VMP1: variants seen among roughly 807,000 people sequenced by gnomAD.
The protein encoded by VMP1 is ectopic P-granules autophagy protein 3 homolog.
Under a neutral mutation model 56.0 loss-of-function variants are expected in VMP1, and 11 were observed. The ratio of observed to expected loss-of-function variants is 0.20; its 90% CI spans 0.12 to 0.32. VMP1 has a LOEUF of 0.32. Ranked by LOEUF, VMP1 falls within the 10% of genes least tolerant of loss-of-function variation. The pLI is 1.00. For synonymous variants in VMP1, 149 were observed against 165.0 expected, an observed-to-expected ratio of 0.90 and a Z score of 0.74; for missense variants, 296 against 490.3, an observed-to-expected ratio of 0.60 and a Z score of 3.74.
chr17:59,719,513 C>T (rs1351396584), intron 1 of VMP1, among the ~76,000 whole-genome samples: 1 of 150,794 alleles, frequency 6.6e-6, no homozygotes, highest in Non-Finnish European at 1.5e-5. Context: ...AAAGTATGTT[C>T]GTTTTATTTT....
chr17:59,806,052 T>A (rs551517124), intron 7 of VMP1, among the ~76,000 whole-genome samples: 1 of 152,310 alleles, frequency 6.6e-6, no homozygotes, highest in South Asian at 2.1e-4. Context: ...AGTTTTTAAT[T>A]TAATAGTATC....
intron 7 of VMP1, among the ~76,000 whole-genome samples, chr17:59,783,634 A>G (rs1175997169): frequency 2.0e-5 from 3 of 152,158 alleles, no homozygotes; most frequent in Non-Finnish European, 4.4e-5. Context: ...TCACCATCCT[A>G]ACAATCGCTT....
intron 7 of VMP1, among the ~76,000 whole-genome samples, chr17:59,785,567 G>A (rs1373013866): frequency 6.6e-6 from 1 of 151,826 alleles, no homozygotes; most frequent in Non-Finnish European, 1.5e-5. Context: ...GCAGGCATGT[G>A]TAATCCCAGC....
chr17:59,773,450 G>A (rs1308988797), intron 6 of VMP1, among the ~76,000 whole-genome samples: 3 of 151,662 alleles, frequency 2.0e-5, no homozygotes, highest in Non-Finnish European at 2.9e-5. Context: ...GCCCAGGCTG[G>A]CCTCAAACTC....
At chr17:59,816,063 C>T (rs2038221244) in intron 9 of VMP1, among the ~76,000 whole-genome samples, 1 of 152,152 alleles carries the variant, frequency 6.6e-6, no homozygotes, top group Admixed American at 6.6e-5. Flanking sequence ...AGAATTCCCA[C>T]TCAGACCTCC....
At chr17:59,734,169 T>C (rs2034933849) in intron 2 of VMP1, among the ~76,000 whole-genome samples, 1 of 152,188 alleles carries the variant, frequency 6.6e-6, no homozygotes, top group Non-Finnish European at 1.5e-5. Flanking sequence ...TTCTGATGTT[T>C]ATCAAGGCAG....
chr17:59,721,172 C>T (rs1186698239), intron 1 of VMP1, among the ~76,000 whole-genome samples: 1 of 151,876 alleles, frequency 6.6e-6, no homozygotes, highest in Non-Finnish European at 1.5e-5. Context: ...ATGGTGAAAC[C>T]CTGTCTCTAC....
At position 59,801,079 on chromosome 17, in the gene VMP1, C is replaced by CG. The variant is rs1391699767; in HGVS notation, c.715-7716dup. Reference sequence around the variant, plus strand: ...TGGGCGACAGAGCAAGACTCCATCTCGAAAAAAAAAAAATATATATATATA... The same window carrying CG: ...TGGGCGACAGAGCAAGACTCCATCTCGGAAAAAAAAAAAATATATATATATA... On this transcript the variant is annotated intron_variant, in intron 7 of 11. Coordinates refer to ENST00000262291, the MANE Select transcript of VMP1 (RefSeq NM_030938.5). Among the ~76,000 whole-genome samples, 63 of 27,352 alleles carry CG rather than the reference C, an allele frequency of 2.3e-3. 2 individuals are homozygous for CG. In the East Asian group the frequency reaches 0.09, roughly 39 times the overall value. 17.9% of individuals were successfully genotyped at this position (27,352 alleles called of 152,430 possible).
intron 7 of VMP1, among the ~76,000 whole-genome samples, chr17:59,777,812 TCAAAACAAAA>T (rs199590116): frequency 0.022 from 3,262 of 148,522 alleles, 82 homozygotes; most frequent in African/African-American, 0.056. Context: ...AGACTCCGTC[TCAAAACAAAA>T]CAAAACAAAA....
chr17:59,834,315 T>G (rs1896923598), intron 10 of VMP1, among the ~76,000 whole-genome samples: 1 of 147,544 alleles, frequency 6.8e-6, no homozygotes, highest in Non-Finnish European at 1.5e-5. Flanking sequence ...CAGGGTAGAG[T>G]GCAATGGCAT....
At chr17:59,789,824 T>C (rs1480980817) in intron 7 of VMP1, among the ~76,000 whole-genome samples, 1 of 144,538 alleles carries the variant, frequency 6.9e-6, no homozygotes, top group South Asian at 2.2e-4. Flanking sequence ...TTCCTTCCTT[T>C]CTTTCTTTCC....
intron 6 of VMP1, among the ~76,000 whole-genome samples, chr17:59,767,263 C>CA (rs1321564759): frequency 6.6e-6 from 1 of 152,002 alleles, no homozygotes; most frequent in Non-Finnish European, 1.5e-5. Flanking sequence ...ACCATACCCT[C>CA]AGGAGAAGCA....
intron 5 of VMP1, among the ~76,000 whole-genome samples, chr17:59,746,941 G>A (rs2035443676): frequency 6.6e-6 from 1 of 152,118 alleles, no homozygotes; most frequent in Non-Finnish European, 1.5e-5. Context: ...AGAACCTGTA[G>A]TATTCATCAG....
At chr17:59,828,309 C>T (rs1176950244) in intron 10 of VMP1, among the ~76,000 whole-genome samples, 2 of 152,150 alleles carry the variant, frequency 1.3e-5, no homozygotes, top group Non-Finnish European at 2.9e-5. Flanking sequence ...CTGATTCTTA[C>T]AGAAAATAAT....
intron 1 of VMP1, among the ~76,000 whole-genome samples, chr17:59,712,913 A>G (rs2033986264): frequency 1.3e-5 from 2 of 152,190 alleles, no homozygotes; most frequent in South Asian, 4.1e-4. Flanking sequence ...AGTCCACTGC[A>G]TAGTCCAAGA....
intron 1 of VMP1, among the ~76,000 whole-genome samples, chr17:59,720,973 C>T (rs1192331530): frequency 7.1e-6 from 1 of 140,650 alleles, no homozygotes; most frequent in Non-Finnish European, 1.6e-5. Flanking sequence ...AACTCCATCT[C>T]AAAAAAAAAA....
intron 10 of VMP1, among the ~76,000 whole-genome samples, chr17:59,818,644 C>T (rs1598438302): frequency 1.3e-5 from 2 of 151,768 alleles, no homozygotes; most frequent in South Asian, 2.1e-4. Flanking sequence ...GTGGCACATG[C>T]CTGTAATCCC....
chr17:59,756,052 A>G (rs946969237), intron 5 of VMP1, among the ~76,000 whole-genome samples: 1 of 152,172 alleles, frequency 6.6e-6, no homozygotes. Context: ...TGCATTTTGT[A>G]GAGACCAGAG....
chr17:59,783,414 C>T (rs977450018), intron 7 of VMP1, among the ~76,000 whole-genome samples: 1 of 152,094 alleles, frequency 6.6e-6, no homozygotes, highest in Non-Finnish European at 1.5e-5. Flanking sequence ...TCCTTTTGCT[C>T]TTGGCTTTCT....
Sources: gnomAD v4.1 joint callset for allele counts (sites outside exome capture counted in the v4.1 genomes callset) on GRCh38, gnomAD v4.1.1 for gene constraint, MANE v1.5 for transcripts, NCBI Gene and HGNC (gene_info 2026-07-23, HGNC 2026-07-21) for gene names.